Variants in RP1 observed in about 807,000 individuals in gnomAD.
The protein encoded by RP1 is RP1 axonemal microtubule associated.
In RP1, 16 loss-of-function variants were observed where a neutral mutation model predicts 14.8. The observed-to-expected ratio is 1.08, with a 90% CI of 0.73 to 1.65. RP1 has a LOEUF of 1.65. Ranked by LOEUF, RP1 falls within the 40% of genes most tolerant of loss-of-function variation. The pLI, the probability that RP1 is intolerant of heterozygous loss-of-function variation, is 0.00. For synonymous variants in RP1, 876 were observed against 883.6 expected, an observed-to-expected ratio of 0.99 and a Z score of 0.15; for missense variants, 2,631 against 2,535.0, an observed-to-expected ratio of 1.04 and a Z score of -0.81.
intron 24 of RP1, among the ~76,000 whole-genome samples, chr8:54,835,570 T>G (rs1271318742): frequency 6.6e-6 from 1 of 150,968 alleles, no homozygotes; most frequent in Non-Finnish European, 1.5e-5. Flanking sequence ...AGACCACTTA[T>G]TTTTGTTATT....
At chr8:54,614,964 C>A (rs967069726), upstream of RP1, among the ~76,000 whole-genome samples, 2 of 152,162 alleles carry the variant, frequency 1.3e-5, no homozygotes, top group Non-Finnish European at 2.9e-5. Context: ...TATTTAATGG[C>A]AGATCATATC....
At chr8:54,735,112 T>A (rs1043945089) in intron 18 of RP1, among the ~76,000 whole-genome samples, 8 of 152,200 alleles carry the variant, frequency 5.3e-5, no homozygotes, top group Non-Finnish European at 8.8e-5. Flanking sequence ...TACTTATAGA[T>A]GTTGCTCAGC....
intron 24 of RP1, among the ~76,000 whole-genome samples, chr8:54,790,778 A>G (rs893357672): frequency 6.6e-6 from 1 of 152,240 alleles, no homozygotes; most frequent in African/African-American, 2.4e-5. Context: ...AAGACAGGTC[A>G]TTTGAAAATA....
intron 1 of RP1, among the ~76,000 whole-genome samples, chr8:54,575,568 T>A (rs1430642606): frequency 1.3e-5 from 2 of 152,200 alleles, no homozygotes; most frequent in African/African-American, 4.8e-5. Context: ...TATTATAAAA[T>A]GTACAATTAA....
At chr8:54,586,688 G>T (rs1018781330) in intron 1 of RP1, among the ~76,000 whole-genome samples, 23 of 152,180 alleles carry the variant, frequency 1.5e-4, no homozygotes, top group Admixed American at 1.5e-3. Context: ...TCAAGCCTTG[G>T]CAATGGTTGG....
At chr8:54,739,558 G>A (rs529758497) in intron 19 of RP1, among the ~76,000 whole-genome samples, 1 of 152,096 alleles carries the variant, frequency 6.6e-6, no homozygotes, top group African/African-American at 2.4e-5. Flanking sequence ...GAAATCTGAA[G>A]AATACGGTGA....
At chr8:54,607,801 C>T (rs1279285382) in intron 1 of RP1, among the ~76,000 whole-genome samples, 1 of 152,196 alleles carries the variant, frequency 6.6e-6, no homozygotes, top group Non-Finnish European at 1.5e-5. Flanking sequence ...GACTGCTGTG[C>T]TAGCAATGAG....
intron 1 of RP1, among the ~76,000 whole-genome samples, chr8:54,575,860 G>A (rs1019509948): frequency 1.3e-5 from 2 of 152,070 alleles, no homozygotes; most frequent in Non-Finnish European, 2.9e-5. Context: ...CAAAAATAAT[G>A]TCTATTTCTG....
chr8:54,779,425 G>T (rs1255218942), intron 23 of RP1, among the ~76,000 whole-genome samples: 1 of 152,192 alleles, frequency 6.6e-6, no homozygotes, highest in African/African-American at 2.4e-5. Flanking sequence ...TAATTCACAT[G>T]CATCTTCTCT....
At chr8:54,618,957 G>A (rs436527) in intron 1 of RP1, among the ~76,000 whole-genome samples, 33,455 of 152,196 alleles carry the variant, frequency 0.22, 4,250 homozygotes, top group East Asian at 0.41. Context: ...CACCACGCCC[G>A]GGCCTAAAGT....
chr8:54,786,710 C>T (rs566010228), intron 24 of RP1, among the ~76,000 whole-genome samples: 9 of 152,084 alleles, frequency 5.9e-5, no homozygotes, highest in African/African-American at 1.4e-4. Context: ...GGAGAGTCTC[C>T]GTCTGCCATT....
At chr8:54,683,253 C>A (rs1046486790) in intron 12 of RP1, among the ~76,000 whole-genome samples, 1 of 152,134 alleles carries the variant, frequency 6.6e-6, no homozygotes, top group East Asian at 1.9e-4. Context: ...CAGCTTTGTT[C>A]TTTTTGTTTA....
intron 27 of RP1, among the ~76,000 whole-genome samples, chr8:54,863,140 C>A (rs1812388534): frequency 6.7e-6 from 1 of 148,202 alleles, no homozygotes; most frequent in Non-Finnish European, 1.5e-5. Context: ...TGATGGTAGT[C>A]CCATAAGATT....
At chr8:54,701,761 G>T (rs1301477934) in intron 14 of RP1, 3 of 1,106,314 alleles carry the variant, frequency 2.7e-6, no homozygotes, top group Non-Finnish European at 2.5e-6. Context: ...TGCAGTAATC[G>T]AATCACTTCC....
chr8:54,835,942 A>G (rs1027123515), intron 24 of RP1, among the ~76,000 whole-genome samples: 1 of 152,096 alleles, frequency 6.6e-6, no homozygotes, highest in Non-Finnish European at 1.5e-5. Flanking sequence ...CATTTTTTCT[A>G]CGTGATAGAA....
intron 1 of RP1, among the ~76,000 whole-genome samples, chr8:54,597,507 T>G (rs1171570260): frequency 6.6e-6 from 1 of 152,146 alleles, no homozygotes; most frequent in Non-Finnish European, 1.5e-5. Context: ...GACTGGGAAT[T>G]ATGGCTCCCT....
In RP1 at chr8:54,650,504, C is replaced by G. The variant is rs150389506; in HGVS notation, c.951+1356C>G. The stretch of plus-strand genomic sequence containing the variant: ...AATTTAGTGGCATATAGTACATTCA[C>G]AGTGTTATTCAACAATCACTATCTA... On this transcript the variant is annotated intron_variant, in intron 4 of 22. Transcript: ENST00000636932. 5.3e-4 allele frequency among the ~76,000 whole-genome samples: 80 copies of G among 152,228 alleles called. 1 individual carries two copies. The highest frequency in any genetic ancestry group is 1.9e-3 in the African/African-American group (78 of 41,558).
At chr8:54,686,842 T>G (rs867752280) in intron 12 of RP1, among the ~76,000 whole-genome samples, 15 of 152,122 alleles carry the variant, frequency 9.9e-5, no homozygotes, top group African/African-American at 3.6e-4. Flanking sequence ...TTTATAATAG[T>G]AGACTTTCAA....
chr8:54,830,262 G>A (rs1326762034), intron 24 of RP1, among the ~76,000 whole-genome samples: 5 of 150,744 alleles, frequency 3.3e-5, no homozygotes, highest in African/African-American at 1.2e-4. Context: ...ATTGACTCTT[G>A]TCATAAAATG....
Sources: allele counts gnomAD v4.1 joint callset (sites outside exome capture counted in the v4.1 genomes callset), GRCh38; gene constraint gnomAD v4.1.1; transcripts MANE v1.5; gene names NCBI Gene and HGNC (gene_info 2026-07-23, HGNC 2026-07-21).